The following CIP2A variants were observed in gnomAD, a reference collection of about 807,000 sequenced individuals.
CIP2A encodes the protein cellular inhibitor of PP2A.
In CIP2A, 103 loss-of-function variants were observed where a neutral mutation model predicts 110.9. The ratio of observed to expected loss-of-function variants is 0.93; its 90% CI spans 0.79 to 1.09. The LOEUF (loss-of-function observed/expected upper bound fraction) is 1.09, where lower values mean the gene tolerates loss of function less well. Ranked by LOEUF, CIP2A falls within the 50% of genes least tolerant of loss-of-function variation. The pLI is 0.00. For missense variants in CIP2A, 1,088 were observed against 1,038.4 expected, an observed-to-expected ratio of 1.05 and a Z score of -0.66; for synonymous variants, 381 against 361.6, an observed-to-expected ratio of 1.05 and a Z score of -0.61.
chr3:108,557,228 G>A lies in CIP2A; in HGVS notation c.2200C>T (p.Leu734Phe). The A allele has an allele frequency of 1.9e-6, 3 of 1,587,102 alleles. No individual in the cohort carries two copies. The highest frequency in any genetic ancestry group is 2.6e-6 in the Non-Finnish European group (3 of 1,160,920). Residue 734 changes from leucine to phenylalanine, a missense_variant, in exon 17 of 21, where the codon CTT becomes TTT. Physicochemically the swap from Leu to Phe is conservative, Grantham distance 22. Transcript: ENST00000295746. ...TTTTACTTTATTTACCTCTGAAGAA[G>A]TTCCATGTAGGATTTTGTCAGTATT... ...HEILTKSYMELLQRNESTEKK... is the reference protein window; with the variant it reads ...HEILTKSYMEFLQRNESTEKK...
chr3:108,550,897 T>C lies in CIP2A; in HGVS notation c.*252A>G. ...GAAAAATGATAATGGAGGTTAAAAA[T>C]GATTTTCTAATGTAAGAACCAAAGA... On this transcript the variant is annotated 3_prime_UTR_variant, in exon 21 of 21. Transcript: ENST00000295746. The C allele has an allele frequency of 4.3e-6, 1 of 233,058 alleles. No homozygotes were observed. The highest frequency in any genetic ancestry group is 8.2e-6 in the Non-Finnish European group (1 of 121,778). The allele number at this position is 233,058 out of a possible 1,614,324, so 14.4% of individuals were successfully genotyped here.
chr3:108,582,382 C>T (rs991987456), intron 3 of CIP2A, among the ~76,000 whole-genome samples, 180 bp from the exon 4 acceptor site: 1 of 152,158 alleles, frequency 6.6e-6, no homozygotes, highest in Non-Finnish European at 1.5e-5. Flanking sequence ...CACATTTCTA[C>T]GTATTCTGTC....
chr3:108,569,559 T>A lies in CIP2A; in HGVS notation c.943A>T (p.Met315Leu), dbSNP rs765455346. Residue 315 changes from methionine to leucine, a missense_variant, in exon 9 of 21, where the codon ATG becomes TTG. Coordinates refer to ENST00000295746, the MANE Select transcript of CIP2A (RefSeq NM_020890.3). ...TGTTCAAACATCATCTGAGTGAGCATATGGCGCAGCTGAGTCACTGAACAG... is the reference window on the plus strand; with the variant it reads ...TGTTCAAACATCATCTGAGTGAGCAAATGGCGCAGCTGAGTCACTGAACAG... Reference protein sequence around the residue: ...AFCSVTQLRHMLTQMMFEQSP... With the variant: ...AFCSVTQLRHLLTQMMFEQSP... The A allele has an allele frequency of 1.9e-6, 3 of 1,612,570 alleles. No individual in the cohort carries two copies. In the African/African-American group the frequency reaches 4.0e-5, roughly 22 times the overall value.
intron 1 of CIP2A, among the ~76,000 whole-genome samples, chr3:108,589,002 G>C (rs1197467419): frequency 2.0e-5 from 3 of 152,146 alleles, no homozygotes; most frequent in Non-Finnish European, 4.4e-5. Flanking sequence ...ATAAAGTTCC[G>C]AGCTTTTTCC....
intron 1 of CIP2A, chr3:108,585,905 T>TACACACACACAC (rs112253293): frequency 2.7e-6 from 1 of 369,370 alleles, no homozygotes; most frequent in African/African-American, 2.2e-5. Context: ...GACACATACA[T>TACACACACACAC]ACACACACAC....
intron 7 of CIP2A, 90 bp downstream of exon 7, chr3:108,579,191 A>C (rs1938778229): frequency 1.0e-6 from 1 of 990,872 alleles, no homozygotes; most frequent in African/African-American, 1.6e-5. Context: ...ATCCAAGTTT[A>C]TTATATTTTA....
At chr3:108,579,913 T>C (rs1431707462) in intron 5 of CIP2A, among the ~76,000 whole-genome samples, 1 of 152,156 alleles carries the variant, frequency 6.6e-6, no homozygotes, top group Non-Finnish European at 1.5e-5. Context: ...AAAAAAATAA[T>C]TTGGTAAATG....
intron 1 of CIP2A, chr3:108,585,728 C>T: frequency 2.2e-6 from 1 of 456,516 alleles, no homozygotes; most frequent in Non-Finnish European, 4.4e-6. Flanking sequence ...CCTTCTGCTT[C>T]TTCCCAAAGA....
intron 7 of CIP2A, among the ~76,000 whole-genome samples, chr3:108,577,027 A>T (rs1003125329): frequency 6.6e-6 from 1 of 152,208 alleles, no homozygotes; most frequent in Admixed American, 6.5e-5. Flanking sequence ...CGAGTCTTAA[A>T]AACAAAAATA....
At chr3:108,586,498 C>T (rs1939043772) in intron 1 of CIP2A, among the ~76,000 whole-genome samples, 1 of 152,146 alleles carries the variant, frequency 6.6e-6, no homozygotes, top group South Asian at 2.1e-4. Flanking sequence ...ATAAAAATTG[C>T]TTTACAAGTT....
rs540020848 is a variant in CIP2A, at chr3:108,563,187, C to G, written c.1573G>C (p.Val525Leu). ...FALTSDNREQ[V>L]QSGLRILLEA... ...AATAATATTCTCAGTCCAGACTGTA[C>G]TTGTTCTCTATTATCTGACGTTAAA... The change falls in exon 13 of 21, where the codon GTA (valine) becomes CTA (leucine). Residue 525 changes from valine to leucine, a missense_variant. Val to Leu is a conservative substitution (Grantham distance 32). Transcript: ENST00000295746. The G allele has an allele frequency of 3.1e-6, 5 of 1,612,836 alleles. No homozygotes were observed. The South Asian group carries it at 5.5e-5, about 18-fold the overall frequency.
intron 8 of CIP2A, among the ~76,000 whole-genome samples, chr3:108,570,585 C>A (rs1938361469): frequency 6.6e-6 from 1 of 152,124 alleles, no homozygotes; most frequent in East Asian, 1.9e-4. Flanking sequence ...AACTATAACA[C>A]AATTGTAAGT....
At chr3:108,583,683 A>T (rs1390550104) in intron 2 of CIP2A, among the ~76,000 whole-genome samples, 1 of 152,188 alleles carries the variant, frequency 6.6e-6, no homozygotes, top group Admixed American at 6.5e-5. Context: ...ACACAATCAG[A>T]TGGAATAAGT....
intron 7 of CIP2A, among the ~76,000 whole-genome samples, chr3:108,576,609 G>A (rs546812730): frequency 3.9e-5 from 6 of 152,064 alleles, no homozygotes; most frequent in African/African-American, 7.2e-5. Context: ...CTTTATCCAC[G>A]AATACACATC....
chr3:108,552,477 A>C, intron 19 of CIP2A, 104 bp from the exon 20 acceptor site: 3 of 612,254 alleles, frequency 4.9e-6, no homozygotes, highest in Non-Finnish European at 7.8e-6. Context: ...TAACTAGAAC[A>C]AGGAAGAGAA....
chr3:108,563,051 T>C, intron 13 of CIP2A, 75 bp downstream of exon 13: 5 of 870,136 alleles, frequency 5.7e-6, no homozygotes, highest in Non-Finnish European at 9.6e-6. Context: ...CTTGTGTATC[T>C]ATACTGAGGA....
chr3:108,580,705 T>C (rs928160234), intron 5 of CIP2A, among the ~76,000 whole-genome samples: 4 of 151,944 alleles, frequency 2.6e-5, no homozygotes, highest in African/African-American at 4.8e-5. Context: ...CTCAGCTCAC[T>C]CCAACCTCCA....
chr3:108,552,405 C>G (rs1485111218), intron 19 of CIP2A, 32 bp from the exon 20 acceptor site: 38 of 1,419,896 alleles, frequency 2.7e-5, no homozygotes, highest in Non-Finnish European at 3.5e-5. Context: ...GTATTATACT[C>G]AGAGGTCTTA....
At chr3:108,571,256 G>A (rs1184297425) in intron 8 of CIP2A, among the ~76,000 whole-genome samples, 2 of 152,108 alleles carry the variant, frequency 1.3e-5, no homozygotes, top group African/African-American at 2.4e-5. Context: ...GTGGTAACAC[G>A]TTTATCAAAA....
Sources: gnomAD v4.1 joint callset for allele counts (sites outside exome capture counted in the v4.1 genomes callset) on GRCh38, gnomAD v4.1.1 for gene constraint, MANE v1.5 for transcripts, NCBI Gene and HGNC (gene_info 2026-07-23, HGNC 2026-07-21) for gene names.